The following ENOX1 variants were observed in gnomAD, a reference collection of about 807,000 sequenced individuals.
The protein encoded by ENOX1 is ecto-NOX disulfide-thiol exchanger 1.
ENOX1 carries 42 observed loss-of-function variants against 82.5 expected under a neutral mutation model. That is an observed-to-expected ratio of 0.51 (90% CI 0.40 to 0.66). The LOEUF is 0.66. ENOX1 is among the 30% of genes least tolerant of loss of function. ENOX1 has a pLI of 0.00. For missense variants in ENOX1, 608 were observed against 811.6 expected (o/e 0.75, Z 3.05); for synonymous variants, 271 against 282.2 (o/e 0.96, Z 0.40).
chr13:43,308,151 T>TCC (rs2046976715), intron 11 of ENOX1, among the ~76,000 whole-genome samples: 1 of 151,946 alleles, frequency 6.6e-6, no homozygotes. Context: ...CCCTCCACAC[T>TCC]TTGCCCTCCC....
intron 14 of ENOX1, among the ~76,000 whole-genome samples, chr13:43,246,990 A>G (rs1187873154): frequency 6.6e-6 from 1 of 152,228 alleles, no homozygotes; most frequent in African/African-American, 2.4e-5. Flanking sequence ...AGCTAGCAGA[A>G]TATTGATACC....
chr13:43,719,842 G>A (rs915787049), intron 1 of ENOX1, among the ~76,000 whole-genome samples: 1 of 152,056 alleles, frequency 6.6e-6, no homozygotes, highest in Non-Finnish European at 1.5e-5. Context: ...GCCCAATTCT[G>A]ACCTTCTGTT....
intron 9 of ENOX1, 78 bp downstream of exon 9, chr13:43,344,460 C>T (rs1412394751): frequency 8.3e-7 from 1 of 1,210,726 alleles, no homozygotes; most frequent in Non-Finnish European, 1.2e-6. Context: ...CTACTTACCC[C>T]CAAATGAAAA....
At chr13:43,588,618 T>C (rs1050953332) in intron 2 of ENOX1, among the ~76,000 whole-genome samples, 3 of 152,226 alleles carry the variant, frequency 2.0e-5, no homozygotes, top group Non-Finnish European at 4.4e-5. Flanking sequence ...CCATACCTCC[T>C]AGACATATGG....
Position 43,258,103 on chromosome 13 carries a change from T to C in ENOX1, c.1611+7295A>G, listed in dbSNP as rs529280458. 7.9e-5 allele frequency among the ~76,000 whole-genome samples: 12 copies of C among 152,298 alleles called. 2 individuals carry two copies. The South Asian group carries it at 2.3e-3, about 29-fold the overall frequency. ...GCCCCAGCCTCCAGCAGTGGAAACA[T>C]AGTCAGCTGGCATTGAGGTGTCTGG... On this transcript the variant is annotated intron_variant, in intron 14 of 16. Transcript: ENST00000690772.
intron 2 of ENOX1, among the ~76,000 whole-genome samples, chr13:43,518,654 T>A (rs142155431): frequency 6.6e-6 from 1 of 152,106 alleles, no homozygotes; most frequent in Non-Finnish European, 1.5e-5. Flanking sequence ...AATCCACAAA[T>A]CTTAAACTCC....
intron 12 of ENOX1, among the ~76,000 whole-genome samples, chr13:43,294,816 G>A (rs1406163055): frequency 4.6e-5 from 7 of 152,184 alleles, no homozygotes; most frequent in Admixed American, 2.6e-4. Context: ...TGCCTGATAC[G>A]TACAGCATCA....
At chr13:43,260,334 A>C (rs1011099714) in intron 14 of ENOX1, among the ~76,000 whole-genome samples, 3 of 152,206 alleles carry the variant, frequency 2.0e-5, no homozygotes, top group Non-Finnish European at 2.9e-5. Context: ...TGACAGTGGC[A>C]ACCTTCAGCA....
chr13:43,349,610 C>T (rs2049636353), intron 8 of ENOX1, among the ~76,000 whole-genome samples: 1 of 152,168 alleles, frequency 6.6e-6, no homozygotes, highest in African/African-American at 2.4e-5. Context: ...CAGGAGCAGC[C>T]TTTGTGAGCT....
intron 2 of ENOX1, among the ~76,000 whole-genome samples, chr13:43,648,314 G>T (rs939743556): frequency 6.6e-6 from 1 of 152,124 alleles, no homozygotes; most frequent in African/African-American, 2.4e-5. Flanking sequence ...TGTTCTTTGG[G>T]CTACAGAAAA....
intron 2 of ENOX1, among the ~76,000 whole-genome samples, chr13:43,573,015 A>G (rs978247096): frequency 2.0e-4 from 31 of 152,234 alleles, no homozygotes; most frequent in Admixed American, 1.9e-3. Context: ...TTAGAGGCTC[A>G]TAGGGACAGT....
intron 15 of ENOX1, among the ~76,000 whole-genome samples, chr13:43,234,228 T>C (rs1403758100): frequency 6.6e-6 from 1 of 152,202 alleles, no homozygotes; most frequent in Non-Finnish European, 1.5e-5. Flanking sequence ...TTGGAAACTC[T>C]TTCCCATTGT....
chr13:43,274,665 C>T (rs1257308675), intron 12 of ENOX1, among the ~76,000 whole-genome samples: 1 of 152,188 alleles, frequency 6.6e-6, no homozygotes, highest in African/African-American at 2.4e-5. Context: ...GAGAGTGTGG[C>T]ATTAAACAGA....
At chr13:43,432,287 A>AT (rs1372256415) in intron 3 of ENOX1, among the ~76,000 whole-genome samples, 1 of 152,156 alleles carries the variant, frequency 6.6e-6, no homozygotes, top group African/African-American at 2.4e-5. Context: ...AATTCACTGT[A>AT]TTTTCAAGGA....
intron 2 of ENOX1, among the ~76,000 whole-genome samples, chr13:43,665,404 C>T (rs1273090907): frequency 6.6e-6 from 1 of 152,062 alleles, no homozygotes; most frequent in Non-Finnish European, 1.5e-5. Flanking sequence ...CAAAAGATAA[C>T]TTGTAATAAT....
intron 3 of ENOX1, among the ~76,000 whole-genome samples, chr13:43,434,937 G>GTTTGTTTTTTTTTTTTTTTT (rs1555273075): frequency 1.3e-5 from 1 of 75,894 alleles, no homozygotes. Context: ...TGTGTGTGTG[G>GTTTGTTTTTTTTTTTTTTTT]TTTTTTTTTT....
intron 2 of ENOX1, among the ~76,000 whole-genome samples, chr13:43,487,551 C>T (rs946204636): frequency 6.6e-5 from 10 of 152,298 alleles, no homozygotes; most frequent in East Asian, 5.8e-4. Flanking sequence ...GAGAGGTACA[C>T]GATCCCATGG....
chr13:43,462,915 G>A (rs2057552623), intron 3 of ENOX1, among the ~76,000 whole-genome samples: 4 of 152,132 alleles, frequency 2.6e-5, no homozygotes, highest in Admixed American at 2.6e-4. Context: ...GTCATAGCTA[G>A]AGCAAAATTG....
chr13:43,508,798 T>C (rs1285947473), intron 2 of ENOX1, among the ~76,000 whole-genome samples: 1 of 151,988 alleles, frequency 6.6e-6, no homozygotes, highest in East Asian at 1.9e-4. Context: ...CTAACAAAAA[T>C]ATAAACATAG....
Sources: gnomAD v4.1 joint callset for allele counts (sites outside exome capture counted in the v4.1 genomes callset) on GRCh38, gnomAD v4.1.1 for gene constraint, MANE v1.5 for transcripts, NCBI Gene and HGNC (gene_info 2026-07-23, HGNC 2026-07-21) for gene names.